The following VDAC1 variants were observed in gnomAD, a reference collection of about 807,000 sequenced individuals.
VDAC1 encodes the protein non-selective voltage-gated ion channel VDAC1.
Under a neutral mutation model 34.7 loss-of-function variants are expected in VDAC1, and 10 were observed. The observed-to-expected ratio is 0.29, with a 90% CI of 0.18 to 0.49. The LOEUF is 0.49. Among genes scored for constraint, VDAC1 ranks in the 20% least tolerant of loss-of-function variants. The pLI is 0.99. For missense variants in VDAC1, 230 were observed against 347.9 expected (o/e 0.66, Z 2.69); for synonymous variants, 130 against 136.0 (o/e 0.96, Z 0.30).
chr5:134,011,882 C>A, the VDAC1 span, among the ~76,000 whole-genome samples: 1 of 151,738 alleles, frequency 6.6e-6, no homozygotes, highest in Non-Finnish European at 1.5e-5. Context: ...TCAGATGATC[C>A]ACCCACTTCA....
At chr5:134,061,734 A>T in the VDAC1 span, among the ~76,000 whole-genome samples, 1 of 151,608 alleles carries the variant, frequency 6.6e-6, no homozygotes, top group Non-Finnish European at 1.5e-5. Context: ...TTTTTCTTCC[A>T]TTGTAATTTT....
At chr5:134,056,164 CG>C in the VDAC1 span, among the ~76,000 whole-genome samples, 1 of 146,916 alleles carries the variant, frequency 6.8e-6, no homozygotes, top group Non-Finnish European at 1.5e-5. Flanking sequence ...TTGCTTGAAC[CG>C]GGGAGGCAGA....
the VDAC1 span, among the ~76,000 whole-genome samples, chr5:134,110,037 G>A: frequency 6.6e-6 from 1 of 152,184 alleles, no homozygotes; most frequent in Non-Finnish European, 1.5e-5. Context: ...GGAAATTCAA[G>A]CCTAATGTTT....
the VDAC1 span, among the ~76,000 whole-genome samples, chr5:134,071,147 C>G: frequency 2.0e-5 from 3 of 152,224 alleles, no homozygotes; most frequent in Non-Finnish European, 2.9e-5. This position sits in a 1 kb window ranked among gnomAD's most constrained non-coding sequence, Gnocchi z 4.1. Context: ...CGGATTCCCC[C>G]GAGGGGATCC....
At chr5:134,103,451 G>A in the VDAC1 span, among the ~76,000 whole-genome samples, 1 of 152,202 alleles carries the variant, frequency 6.6e-6, no homozygotes, top group South Asian at 2.1e-4. Flanking sequence ...CACACCAACT[G>A]ACACCGTTGT....
At chr5:133,979,424 CTTTTTTTTTTT>C (rs71581380) in intron 6 of VDAC1, among the ~76,000 whole-genome samples, 2 of 80,992 alleles carry the variant, frequency 2.5e-5, no homozygotes, top group Non-Finnish European at 4.2e-5. Context: ...ATTTTCTTTG[CTTTTTTTTTTT>C]TTTTTTTTTT....
chr5:133,980,398 TTTGTTAACTAAAACAAAAA>T (rs1752644613), intron 6 of VDAC1, among the ~76,000 whole-genome samples: 2 of 152,188 alleles, frequency 1.3e-5, no homozygotes, highest in Admixed American at 1.3e-4. Context: ...AGAGAGCTGT[TTTGTTAACTAAAACAAAAA>T]CTGCAGGGAA....
the VDAC1 span, among the ~76,000 whole-genome samples, chr5:134,061,651 G>T: frequency 6.6e-6 from 1 of 151,636 alleles, no homozygotes; most frequent in Non-Finnish European, 1.5e-5. Context: ...GGGATTATAA[G>T]CGAGAGCCAC....
intron 1 of VDAC1, among the ~76,000 whole-genome samples, chr5:133,996,520 G>A (rs1312524985): frequency 6.6e-6 from 1 of 152,060 alleles, no homozygotes; most frequent in Non-Finnish European, 1.5e-5. Flanking sequence ...CTCATCAGCT[G>A]AATGGCAATG....
the VDAC1 span, among the ~76,000 whole-genome samples, chr5:134,088,091 G>A: frequency 6.6e-6 from 1 of 152,028 alleles, no homozygotes; most frequent in African/African-American, 2.4e-5. Flanking sequence ...GGAGGCAGAG[G>A]TTGCAGTGAG....
the VDAC1 span, among the ~76,000 whole-genome samples, chr5:134,017,709 C>G: frequency 6.6e-6 from 1 of 152,048 alleles, no homozygotes; most frequent in East Asian, 1.9e-4. Context: ...GTCAGGAGAT[C>G]AAGACCATCC....
the VDAC1 span, among the ~76,000 whole-genome samples, chr5:134,016,535 C>T: frequency 6.6e-6 from 1 of 152,146 alleles, no homozygotes; most frequent in Non-Finnish European, 1.5e-5. Flanking sequence ...TTCCTCGAGC[C>T]GAAAATGGAG....
At chr5:134,020,563 A>T in the VDAC1 span, among the ~76,000 whole-genome samples, 2 of 152,288 alleles carry the variant, frequency 1.3e-5, no homozygotes, top group East Asian at 3.9e-4. Context: ...CTGCCCAGTC[A>T]TAAGGCCCTG....
chr5:134,037,631 C>T, the VDAC1 span, among the ~76,000 whole-genome samples: 5 of 152,186 alleles, frequency 3.3e-5, no homozygotes, highest in African/African-American at 1.2e-4. Flanking sequence ...TTGGGCTAAA[C>T]CAATGTATAG....
chr5:133,997,827 G>A (rs1223128498), intron 1 of VDAC1, among the ~76,000 whole-genome samples: 1 of 152,032 alleles, frequency 6.6e-6, no homozygotes, highest in Non-Finnish European at 1.5e-5. Context: ...ACTTTGGGAG[G>A]CCGAGGTGGG....
At chr5:134,007,254 A>AG (rs1753771809), upstream of VDAC1, among the ~76,000 whole-genome samples, 1 of 151,086 alleles carries the variant, frequency 6.6e-6, no homozygotes, top group African/African-American at 2.4e-5. Flanking sequence ...AAAAAAAAAA[A>AG]AAAGAAAAAA....
At chr5:133,976,127 G>A (rs990708979) in intron 6 of VDAC1, 106 bp from the exon 7 acceptor site, 3 of 1,362,324 alleles carry the variant, frequency 2.2e-6, no homozygotes, top group Non-Finnish European at 3.1e-6. Flanking sequence ...GAAATGGACT[G>A]AACCAATACT....
the VDAC1 span, among the ~76,000 whole-genome samples, chr5:134,075,708 C>T: frequency 1.3e-5 from 2 of 152,042 alleles, no homozygotes; most frequent in South Asian, 2.1e-4. Context: ...CTCAGCCTCC[C>T]GAGTAGCTGG....
the VDAC1 span, among the ~76,000 whole-genome samples, chr5:134,013,810 C>T: frequency 6.6e-6 from 1 of 151,906 alleles, no homozygotes; most frequent in Non-Finnish European, 1.5e-5. Flanking sequence ...GGCATGGTTG[C>T]GGGCACCTGT....
Sources: gnomAD v4.1 joint callset for allele counts (sites outside exome capture counted in the v4.1 genomes callset) on GRCh38, gnomAD v4.1.1 for gene constraint, Gnocchi (gnomAD v3.1) non-coding constraint, MANE v1.5 for transcripts, NCBI Gene and HGNC (gene_info 2026-07-23, HGNC 2026-07-21) for gene names.